The following CDH13 variants were observed in gnomAD, a reference collection of about 807,000 sequenced individuals.
CDH13 encodes the protein cadherin-13.
CDH13 carries 24 observed loss-of-function variants against 63.8 expected under a neutral mutation model. That is an observed-to-expected ratio of 0.38 (90% CI 0.27 to 0.53). CDH13 has a LOEUF of 0.53. Ranked by LOEUF, CDH13 falls within the 20% of genes least tolerant of loss-of-function variation. The pLI is 0.85. For missense variants in CDH13, 1,049 were observed against 903.1 expected, an observed-to-expected ratio of 1.16 and a Z score of -2.07; for synonymous variants, 503 against 355.3, an observed-to-expected ratio of 1.42 and a Z score of -4.67.
chr16:83,122,251 T>A (rs574960012), intron 3 of CDH13, among the ~76,000 whole-genome samples: 114 of 152,326 alleles, frequency 7.5e-4, no homozygotes, highest in Non-Finnish European at 1.4e-3. Context: ...CTCTGGCCCC[T>A]TTTTACCTGT....
intron 5 of CDH13, among the ~76,000 whole-genome samples, chr16:83,334,361 T>TCCCTCACACA (rs1272779883): frequency 1.2e-5 from 1 of 85,594 alleles, no homozygotes; most frequent in African/African-American, 5.0e-5. Context: ...TCTCTCTCTC[T>TCCCTCACACA]CACACACACA....
At chr16:82,844,409 G>C (rs1384355170) in intron 1 of CDH13, 3 of 151,886 alleles carry the variant, frequency 2.0e-5, no homozygotes, top group Admixed American at 2.0e-4. Flanking sequence ...AGACCATCCT[G>C]GCTAACATGG....
chr16:83,512,453 G>A (rs988817541), intron 7 of CDH13, among the ~76,000 whole-genome samples: 1 of 150,916 alleles, frequency 6.6e-6, no homozygotes, highest in African/African-American at 2.4e-5. Flanking sequence ...GGTGGATCAC[G>A]AGGTCAGGAG....
intron 5 of CDH13, among the ~76,000 whole-genome samples, chr16:83,223,769 A>G (rs1359427380): frequency 6.6e-6 from 1 of 152,234 alleles, no homozygotes; most frequent in African/African-American, 2.4e-5. Flanking sequence ...TCCCTGGTAC[A>G]GGAAAGTCCG....
chr16:83,278,170 AT>A (rs1284062696), intron 5 of CDH13, among the ~76,000 whole-genome samples: 2 of 152,156 alleles, frequency 1.3e-5, no homozygotes, highest in Non-Finnish European at 2.9e-5. Context: ...CAGTTATTCA[AT>A]TTTAAGTAGC....
Position 83,773,662 on chromosome 16 carries a change from T to A in CDH13, c.1682-6306T>A, listed in dbSNP as rs182727148. ...GCCAAACCATATCAGGGCTCTAGAGTCTGAAAGAAGCCCATCTAAAGTGTA... is the reference window on the plus strand; with the variant it reads ...GCCAAACCATATCAGGGCTCTAGAGACTGAAAGAAGCCCATCTAAAGTGTA... On this transcript the variant is annotated intron_variant, in intron 11 of 13. Coordinates refer to ENST00000567109, the MANE Select transcript of CDH13 (RefSeq NM_001257.5). 2.5e-3 allele frequency among the ~76,000 whole-genome samples: 385 copies of A among 152,152 alleles called. 3 individuals are homozygous for A. The highest frequency in any genetic ancestry group is 4.4e-3 in the Non-Finnish European group (301 of 67,994).
intron 4 of CDH13, among the ~76,000 whole-genome samples, chr16:83,157,315 G>A (rs1487584380): frequency 6.6e-6 from 1 of 152,140 alleles, no homozygotes; most frequent in Non-Finnish European, 1.5e-5. Context: ...GCCAGGTAGT[G>A]AACCATGTGC....
chr16:82,831,432 C>T (rs914983708), intron 1 of CDH13, among the ~76,000 whole-genome samples: 3 of 152,042 alleles, frequency 2.0e-5, no homozygotes, highest in Non-Finnish European at 2.9e-5. Context: ...TTGGGAGATC[C>T]TGGGAAATGG....
At chr16:83,609,474 G>A (rs977726483) in intron 8 of CDH13, among the ~76,000 whole-genome samples, 60 of 152,280 alleles carry the variant, frequency 3.9e-4, no homozygotes, top group African/African-American at 1.4e-3. Context: ...ATTGGAGTGA[G>A]CATGGAAGAT....
intron 5 of CDH13, among the ~76,000 whole-genome samples, chr16:83,300,319 G>C (rs1350949574): frequency 3.9e-5 from 6 of 152,238 alleles, no homozygotes; most frequent in Non-Finnish European, 8.8e-5. Context: ...GACATGAAGA[G>C]ATAGGTCAAA....
chr16:83,293,155 T>C (rs557980051), intron 5 of CDH13, among the ~76,000 whole-genome samples: 4 of 152,314 alleles, frequency 2.6e-5, no homozygotes, highest in Admixed American at 6.5e-5. Context: ...AGAATATGCA[T>C]TGGGCTTTTA....
At chr16:82,886,870 T>A (rs1467136363) in intron 2 of CDH13, among the ~76,000 whole-genome samples, 1 of 152,208 alleles carries the variant, frequency 6.6e-6, no homozygotes, top group Admixed American at 6.5e-5. Flanking sequence ...ATGTTTTCCT[T>A]GTCCTTCTAA....
chr16:83,578,601 G>A (rs1905251849), intron 7 of CDH13, among the ~76,000 whole-genome samples: 1 of 152,168 alleles, frequency 6.6e-6, no homozygotes, highest in African/African-American at 2.4e-5. Flanking sequence ...TATTCATTCA[G>A]GCATTGACTC....
chr16:82,646,831 A>G (rs16957960), intron 1 of CDH13, among the ~76,000 whole-genome samples: 5,040 of 152,246 alleles, frequency 0.033, 252 homozygotes, highest in African/African-American at 0.11. Flanking sequence ...GGATGATGTT[A>G]TAAGCTCGAG....
chr16:83,373,327 A>G (rs1233371958), intron 6 of CDH13, among the ~76,000 whole-genome samples: 1 of 152,176 alleles, frequency 6.6e-6, no homozygotes, highest in Admixed American at 6.5e-5. Context: ...CTCCACAGAG[A>G]GTGCAAAGTA....
chr16:82,861,706 C>A (rs116278277), intron 2 of CDH13, among the ~76,000 whole-genome samples: 3 of 152,308 alleles, frequency 2.0e-5, no homozygotes, highest in Non-Finnish European at 4.4e-5. Flanking sequence ...TGTTCTGAAG[C>A]CTTTTATTTG....
Position 83,309,662 on chromosome 16 carries a change from G to A in CDH13, c.637-35200G>A, listed in dbSNP as rs549320069. Among the ~76,000 whole-genome samples the A allele has an allele frequency of 1.2e-3, 177 of 152,276 alleles. 1 individual carries two copies. The highest frequency in any genetic ancestry group is 3.8e-3 in the African/African-American group (159 of 41,582). On this transcript the variant is annotated intron_variant, in intron 5 of 13. Coordinates refer to ENST00000567109, the MANE Select transcript of CDH13 (RefSeq NM_001257.5). ...AGTGCTGGGATTACAGGCGTGAGCC[G>A]CCACGCCCAGCCCCCTCCTTCTGAA...
chr16:83,502,832 G>T (rs965266303), intron 7 of CDH13, among the ~76,000 whole-genome samples: 1 of 152,208 alleles, frequency 6.6e-6, no homozygotes, highest in African/African-American at 2.4e-5. Flanking sequence ...TGTTCTAACA[G>T]AGGCACAGTC....
chr16:83,165,704 G>C (rs915811127), intron 4 of CDH13, among the ~76,000 whole-genome samples: 3 of 152,106 alleles, frequency 2.0e-5, no homozygotes, highest in Admixed American at 2.0e-4. Context: ...GGTAGAGCTA[G>C]TTTCCAAGAT....
Sources: allele counts gnomAD v4.1 joint callset (sites outside exome capture counted in the v4.1 genomes callset), GRCh38; gene constraint gnomAD v4.1.1; transcripts MANE v1.5; gene names NCBI Gene and HGNC (gene_info 2026-07-23, HGNC 2026-07-21).